Variants in LDLRAD2 observed in about 807,000 individuals in gnomAD.
LDLRAD2 encodes low-density lipoprotein receptor class A domain-containing protein 2.
In LDLRAD2, 25 loss-of-function variants were observed where a neutral mutation model predicts 24.9. The ratio of observed to expected loss-of-function variants is 1.00; its 90% CI spans 0.73 to 1.40. The LOEUF (loss-of-function observed/expected upper bound fraction) is 1.40. LDLRAD2 is among the 40% of genes most tolerant of loss of function. LDLRAD2 has a pLI of 0.00. For synonymous variants in LDLRAD2, 182 were observed against 166.7 expected, an observed-to-expected ratio of 1.09 and a Z score of -0.71; for missense variants, 391 against 366.2, an observed-to-expected ratio of 1.07 and a Z score of -0.55.
rs1308047588 is a variant in LDLRAD2 at position 21,822,427 on chromosome 1, C to T, written c.*212C>T. ...GTGGTCATATCCCCCTCCTCTCTCT[C>T]TCAGTCGTGAGTCCTGCCTTCCCCC... On this transcript the variant is annotated 3_prime_UTR_variant, in exon 5 of 5. Coordinates refer to ENST00000344642, the MANE Select transcript of LDLRAD2 (RefSeq NM_001013693.3). 1 of 595,408 alleles carries T rather than the reference C, an allele frequency of 1.7e-6. No individual in the cohort carries two copies. The highest frequency in any genetic ancestry group is 3.0e-6 in the Non-Finnish European group (1 of 332,038). 36.9% of individuals were successfully genotyped at this position (595,408 alleles called of 1,614,324 possible). A position where few individuals can be genotyped will look rare whatever the true frequency, so the allele number is the denominator to read the frequency against.
intron 3 of LDLRAD2, among the ~76,000 whole-genome samples, chr1:21,820,502 G>C (rs561366104): frequency 1.0e-3 from 125 of 123,726 alleles, no homozygotes; most frequent in Non-Finnish European, 1.7e-3. Context: ...CAGCCTGGGC[G>C]ACAGAGCGAG....
At position 21,824,940 on chromosome 1, in the gene LDLRAD2, C is replaced by G. The variant is rs2097965856; in HGVS notation, c.*2725C>G. The G allele has an allele frequency of 1.4e-6, 1 of 696,004 alleles. No individual in the cohort carries two copies. The highest frequency in any genetic ancestry group is 2.6e-6 in the Non-Finnish European group (1 of 380,592). 43.1% of individuals were successfully genotyped at this position (696,004 alleles called of 1,614,324 possible). ...GGGGCTGCCAACAGAATTCAGGGAGCCTATGACCTTGGATGGGAAAGCATT... is the reference window on the plus strand; with the variant it reads ...GGGGCTGCCAACAGAATTCAGGGAGGCTATGACCTTGGATGGGAAAGCATT... On this transcript the variant is annotated 3_prime_UTR_variant, in exon 5 of 5. Transcript: ENST00000344642. This position sits in a 1 kb window ranked among gnomAD's most constrained non-coding sequence, Gnocchi z 5.9.
At chr1:21,815,664 T>A (rs572708410) in intron 2 of LDLRAD2, among the ~76,000 whole-genome samples, 1 of 152,026 alleles carries the variant, frequency 6.6e-6, no homozygotes, top group Admixed American at 6.5e-5. Flanking sequence ...ATAATAAAAT[T>A]AATAACAGTA....
chr1:21,818,585 G>A (rs2097946748), intron 3 of LDLRAD2, among the ~76,000 whole-genome samples: 1 of 152,226 alleles, frequency 6.6e-6, no homozygotes, highest in South Asian at 2.1e-4. Context: ...GGTTGACGCT[G>A]ACCTTGACCG....
Position 21,822,549 on chromosome 1 carries a change from T to G in LDLRAD2, c.*334T>G. On this transcript the variant is annotated 3_prime_UTR_variant, in exon 5 of 5. Transcript: ENST00000344642. ...GCCTTCACTTCCAGATGGGTGGGGA[T>G]GTGGCCTGGGGTGGGCGGGGCCCGG... 3 of 251,006 alleles carry G rather than the reference T, an allele frequency of 1.2e-5. No individual in the cohort carries two copies. Among genetic ancestry groups the G allele is most frequent in the Non-Finnish European group, 2.4e-5 (3 of 126,382 alleles). 15.5% of individuals were successfully genotyped at this position (251,006 alleles called of 1,614,324 possible). A position where few individuals can be genotyped will look rare whatever the true frequency, so the allele number is the denominator to read the frequency against.
At chr1:21,817,496 A>C (rs1178230577) in intron 3 of LDLRAD2, among the ~76,000 whole-genome samples, 1 of 151,922 alleles carries the variant, frequency 6.6e-6, no homozygotes, top group Non-Finnish European at 1.5e-5. Context: ...ATGCACCACC[A>C]TGCCCAGCTA....
chr1:21,820,671 T>C (rs911993787), intron 3 of LDLRAD2, among the ~76,000 whole-genome samples: 2 of 152,218 alleles, frequency 1.3e-5, no homozygotes. Context: ...CCCAGTGCCA[T>C]GAAGACATAT....
Position 21,823,994 on chromosome 1 carries a change from C to T in LDLRAD2, c.*1779C>T, listed in dbSNP as rs1157381138. On this transcript the variant is annotated 3_prime_UTR_variant, in exon 5 of 5. Transcript: ENST00000344642. The stretch of plus-strand genomic sequence containing the variant: ...GCCCGAGCCCTGGCTGGTGGGTTCT[C>T]CCCTCCCCTGGCTTCAAGTTCTGTC... 2.0e-6 allele frequency: 2 copies of T among 1,000,672 alleles called. No homozygotes were observed. The highest frequency in any genetic ancestry group is 1.4e-5 in the South Asian group (1 of 72,348). 62.0% of individuals were successfully genotyped at this position (1,000,672 alleles called of 1,614,324 possible).
In LDLRAD2 at chr1:21,814,609, C is replaced by A; in HGVS notation, c.297C>A (p.Ser99=). ...LTPAPPALNT[S]SPAPADPCAP... ...CCGCGCCCCCGGCGCTCAACACCTC[C>A]TCCCCGGCCCCGGCCGACCCGTGCG... The change falls in exon 2 of 5, where the codon TCC becomes TCA. Residue 99 remains serine, a synonymous_variant. Transcript: ENST00000344642. 2 of 1,610,484 alleles carry A rather than the reference C, an allele frequency of 1.2e-6. No homozygotes were observed. Among genetic ancestry groups the A allele is most frequent in the Non-Finnish European group, 1.7e-6 (2 of 1,178,566 alleles).
chr1:21,823,975 G>A lies in LDLRAD2; in HGVS notation c.*1760G>A. The A allele has an allele frequency of 1.1e-6, 1 of 878,306 alleles. No homozygotes were observed. The highest frequency in any genetic ancestry group is 1.8e-6 in the Non-Finnish European group (1 of 547,148). 54.4% of individuals were successfully genotyped at this position (878,306 alleles called of 1,614,324 possible). The stretch of plus-strand genomic sequence containing the variant: ...AGTTCAGTCCGAGATGGAAGCCCGA[G>A]CCCTGGCTGGTGGGTTCTCCCCTCC... On this transcript the variant is annotated 3_prime_UTR_variant, in exon 5 of 5. Transcript: ENST00000344642.
Position 21,824,658 on chromosome 1 carries a change from C to T in LDLRAD2, c.*2443C>T. On this transcript the variant is annotated 3_prime_UTR_variant, in exon 5 of 5. Transcript: ENST00000344642. This position sits in a 1 kb window ranked among gnomAD's most constrained non-coding sequence, Gnocchi z 5.9. ...GTGAGGGGACAGAAGTCCCAGATTCCCATCCTCCCCATTAGGCCCATGGGC... is the reference window on the plus strand; with the variant it reads ...GTGAGGGGACAGAAGTCCCAGATTCTCATCCTCCCCATTAGGCCCATGGGC... 1 of 1,613,442 alleles carries T rather than the reference C, an allele frequency of 6.2e-7. No homozygotes were observed. Among genetic ancestry groups the T allele is most frequent in the South Asian group, 1.1e-5 (1 of 90,984 alleles).
intron 3 of LDLRAD2, among the ~76,000 whole-genome samples, chr1:21,817,560 C>T (rs990722637): frequency 2.0e-5 from 3 of 152,050 alleles, no homozygotes; most frequent in South Asian, 2.1e-4. Flanking sequence ...GGGCTAGTCT[C>T]GAACTCCTGG....
chr1:21,824,978 C>T lies in LDLRAD2; in HGVS notation c.*2763C>T. On this transcript the variant is annotated 3_prime_UTR_variant, in exon 5 of 5. Transcript: ENST00000344642. The surrounding 1 kb of genome is among the most constrained non-coding windows in gnomAD (Gnocchi z 5.9). ...ATGGGAAAGCATTACACCTCAATTT[C>T]ACTCACTTCTCACTGAAATTGAGCA... 1 of 620,606 alleles carries T rather than the reference C, an allele frequency of 1.6e-6. No homozygotes were observed. The highest frequency in any genetic ancestry group is 2.9e-6 in the Non-Finnish European group (1 of 341,472). 38.4% of individuals were successfully genotyped at this position (620,606 alleles called of 1,614,324 possible).
At position 21,824,549 on chromosome 1, in the gene LDLRAD2, G is replaced by A; in HGVS notation, c.*2334G>A. ...TACCCACACTCACCACACCCTGCCA[G>A]AGCAGGAGGCCACTGGCTGTGCTGG... On this transcript the variant is annotated 3_prime_UTR_variant, in exon 5 of 5. Coordinates refer to ENST00000344642, the MANE Select transcript of LDLRAD2 (RefSeq NM_001013693.3). The surrounding 1 kb of genome is among the most constrained non-coding windows in gnomAD (Gnocchi z 5.9). 1 of 1,613,676 alleles carries A rather than the reference G, an allele frequency of 6.2e-7. No homozygotes were observed. The highest frequency in any genetic ancestry group is 8.5e-7 in the Non-Finnish European group (1 of 1,180,008).
At chr1:21,819,310 T>A (rs1352561248) in intron 3 of LDLRAD2, among the ~76,000 whole-genome samples, 12 of 151,844 alleles carry the variant, frequency 7.9e-5, no homozygotes, top group African/African-American at 2.9e-4. Flanking sequence ...GAGGCATAGG[T>A]TGCGGTGAGC....
In LDLRAD2 at chr1:21,814,635, C is replaced by A. The variant is rs1413402950; in HGVS notation, c.323C>A (p.Ala108Asp). Residue 108 changes from alanine (A) to aspartate (D), a missense_variant, in exon 2 of 5, where the codon GCC becomes GAC. Physicochemically the swap from Ala to Asp is moderately radical, Grantham distance 126 (BLOSUM62 -2). Transcript: ENST00000344642. ...TCCCCGGCCCCGGCCGACCCGTGCG[C>A]CCCCGGCTCCTACCTGCAGTTCTAC... Reference protein sequence around the residue: ...TSSPAPADPCAPGSYLQFYEG... With the variant: ...TSSPAPADPCDPGSYLQFYEG... 5 of 1,605,952 alleles carry A rather than the reference C, an allele frequency of 3.1e-6. No homozygotes were observed. Among genetic ancestry groups the A allele is most frequent in the Non-Finnish European group, 4.2e-6 (5 of 1,176,628 alleles).
At position 21,824,940 on chromosome 1, in the gene LDLRAD2, C is replaced by T; in HGVS notation, c.*2725C>T. 1.4e-6 allele frequency: 1 copy of T among 696,004 alleles called. No individual in the cohort carries two copies. Among genetic ancestry groups the T allele is most frequent in the Non-Finnish European group, 2.6e-6 (1 of 380,592 alleles). 43.1% of individuals were successfully genotyped at this position (696,004 alleles called of 1,614,324 possible). A position where few individuals can be genotyped will look rare whatever the true frequency, so the allele number is the denominator to read the frequency against. On this transcript the variant is annotated 3_prime_UTR_variant, in exon 5 of 5. Transcript: ENST00000344642. This position sits in a 1 kb window ranked among gnomAD's most constrained non-coding sequence, Gnocchi z 5.9. ...GGGGCTGCCAACAGAATTCAGGGAG[C>T]CTATGACCTTGGATGGGAAAGCATT...
Position 21,823,965 on chromosome 1 carries a change from G to T in LDLRAD2, c.*1750G>T. ...CCCCCAGCGGAGTTCAGTCCGAGATGGAAGCCCGAGCCCTGGCTGGTGGGT... is the reference window on the plus strand; with the variant it reads ...CCCCCAGCGGAGTTCAGTCCGAGATTGAAGCCCGAGCCCTGGCTGGTGGGT... On this transcript the variant is annotated 3_prime_UTR_variant, in exon 5 of 5. Coordinates refer to ENST00000344642, the MANE Select transcript of LDLRAD2 (RefSeq NM_001013693.3). 1.2e-6 allele frequency: 1 copy of T among 838,796 alleles called. No homozygotes were observed. Among genetic ancestry groups the T allele is most frequent in the Non-Finnish European group, 1.9e-6 (1 of 514,852 alleles). 52.0% of individuals were successfully genotyped at this position (838,796 alleles called of 1,614,324 possible).
chr1:21,818,730 C>A (rs1203842706), intron 3 of LDLRAD2, among the ~76,000 whole-genome samples: 2 of 152,184 alleles, frequency 1.3e-5, no homozygotes, highest in African/African-American at 4.8e-5. Context: ...CCTTTTAAAA[C>A]AGTAAATCAG....
Sources: gnomAD v4.1 joint callset for allele counts (sites outside exome capture counted in the v4.1 genomes callset) on GRCh38, gnomAD v4.1.1 for gene constraint, Gnocchi (gnomAD v3.1) non-coding constraint, MANE v1.5 for transcripts, NCBI Gene and HGNC (gene_info 2026-07-23, HGNC 2026-07-21) for gene names.